The following SGCZ variants were observed in gnomAD, a reference collection of about 807,000 sequenced individuals.
SGCZ encodes the protein sarcoglycan zeta, also known as zeta-sarcoglycan.
In SGCZ, 40 loss-of-function variants were observed where a neutral mutation model predicts 41.3. The ratio of observed to expected loss-of-function variants is 0.97; its 90% CI spans 0.75 to 1.26. The LOEUF is 1.26. Among genes scored for constraint, SGCZ ranks in the 50% most tolerant of loss-of-function variants. SGCZ has a pLI of 0.00. For missense variants in SGCZ, 552 were observed against 369.8 expected, an observed-to-expected ratio of 1.49 and a Z score of -4.04; for synonymous variants, 206 against 137.5, an observed-to-expected ratio of 1.50 and a Z score of -3.49.
intron 1 of SGCZ, among the ~76,000 whole-genome samples, chr8:14,964,401 T>C (rs1449971667): frequency 6.6e-6 from 1 of 152,192 alleles, no homozygotes; most frequent in Non-Finnish European, 1.5e-5. Context: ...CACCAATAGA[T>C]ATCAGGAAGA....
rs78169287 is a variant in SGCZ, at chr8:14,629,439, C to T, written c.40-74513G>A. 5.2e-3 allele frequency among the ~76,000 whole-genome samples: 787 copies of T among 152,186 alleles called. 7 individuals are homozygous for T. The highest frequency in any genetic ancestry group is 0.016 in the African/African-American group (661 of 41,548). The stretch of plus-strand genomic sequence containing the variant: ...TATTTTTGCATTTATAATGTACAAA[C>T]AGATCCATCAAAAATAACTTTATTT... On this transcript the variant is annotated intron_variant, in intron 1 of 7. Coordinates refer to ENST00000382080, the MANE Select transcript of SGCZ (RefSeq NM_139167.4).
chr8:15,143,006 C>T lies in SGCZ; in HGVS notation c.39+94579G>A, dbSNP rs569387532. ...GGTTAACCTATAGTTTTGAGAAGGA[C>T]GTACTGTCCTAGAGTATTTCATGAC... On this transcript the variant is annotated intron_variant, in intron 1 of 7. Transcript: ENST00000382080. Among the ~76,000 whole-genome samples, 6 of 152,156 alleles carry T rather than the reference C, an allele frequency of 3.9e-5. No homozygotes were observed. The South Asian group carries it at 8.3e-4, about 21-fold the overall frequency.
chr8:15,209,691 A>G (rs1025218709), intron 1 of SGCZ, among the ~76,000 whole-genome samples: 13 of 152,308 alleles, frequency 8.5e-5, no homozygotes, highest in African/African-American at 3.1e-4. Context: ...CAGACAAAAC[A>G]TAAGGCAAAC....
intron 1 of SGCZ, among the ~76,000 whole-genome samples, chr8:14,585,293 T>C (rs1401033402): frequency 6.6e-6 from 1 of 152,204 alleles, no homozygotes; most frequent in Non-Finnish European, 1.5e-5. Context: ...ATTTGTACTA[T>C]TCATCTTGAA....
intron 1 of SGCZ, among the ~76,000 whole-genome samples, chr8:14,828,808 C>T (rs1372627939): frequency 6.6e-6 from 1 of 152,130 alleles, no homozygotes; most frequent in Non-Finnish European, 1.5e-5. Flanking sequence ...AATGCCCATG[C>T]CCGAGAACAT....
chr8:14,587,902 A>G (rs1049928795), intron 1 of SGCZ, among the ~76,000 whole-genome samples: 1 of 152,124 alleles, frequency 6.6e-6, no homozygotes, highest in African/African-American at 2.4e-5. Flanking sequence ...GCAAGCTTGT[A>G]AGAGACTCAA....
intron 1 of SGCZ, among the ~76,000 whole-genome samples, chr8:14,937,671 TAAC>T: frequency 6.6e-6 from 1 of 152,238 alleles, no homozygotes. Context: ...CAATAGAAAA[TAAC>T]AATGAATTGT....
intron 1 of SGCZ, among the ~76,000 whole-genome samples, chr8:15,061,007 T>C (rs1804903534): frequency 6.6e-6 from 1 of 152,158 alleles, no homozygotes. Context: ...TCTGGATCTT[T>C]CCTTTCTGGG....
chr8:14,208,451 C>T (rs138981678), intron 4 of SGCZ, among the ~76,000 whole-genome samples: 5 of 151,438 alleles, frequency 3.3e-5, no homozygotes, highest in African/African-American at 7.3e-5. Context: ...ATGGAGGAAC[C>T]AAAAAGGAAA....
At chr8:15,038,907 A>G (rs1457178588) in intron 1 of SGCZ, among the ~76,000 whole-genome samples, 1 of 152,110 alleles carries the variant, frequency 6.6e-6, no homozygotes, top group Non-Finnish European at 1.5e-5. Context: ...TCATCAGAGA[A>G]ATGCAAATTA....
chr8:15,213,136 A>T (rs186588273), intron 1 of SGCZ, among the ~76,000 whole-genome samples: 1 of 152,186 alleles, frequency 6.6e-6, no homozygotes, highest in East Asian at 1.9e-4. Flanking sequence ...ATTGTATACT[A>T]AATGCATTTT....
At chr8:14,919,333 CA>C (rs1236945619) in intron 1 of SGCZ, among the ~76,000 whole-genome samples, 11 of 152,010 alleles carry the variant, frequency 7.2e-5, no homozygotes, top group Non-Finnish European at 7.4e-5. Context: ...CCCAGCTACT[CA>C]GGGGGCTGAA....
chr8:14,571,794 T>G (rs2117232822), intron 1 of SGCZ, among the ~76,000 whole-genome samples: 1 of 152,284 alleles, frequency 6.6e-6, no homozygotes, highest in South Asian at 2.1e-4. Flanking sequence ...TTGAAGGAGT[T>G]TGACCACATG....
At chr8:14,879,186 G>A (rs932725649) in intron 1 of SGCZ, 1 of 152,104 alleles carries the variant, frequency 6.6e-6, no homozygotes, top group Non-Finnish European at 1.5e-5. Flanking sequence ...AAGTTAGCTG[G>A]CCATGGTGGC....
intron 3 of SGCZ, among the ~76,000 whole-genome samples, chr8:14,270,601 A>G (rs1800025113): frequency 6.6e-6 from 1 of 152,178 alleles, no homozygotes; most frequent in South Asian, 2.1e-4. Flanking sequence ...TATAACAGCT[A>G]AGATTGGGTT....
intron 1 of SGCZ, among the ~76,000 whole-genome samples, chr8:14,997,032 G>C (rs1167202771): frequency 6.6e-6 from 1 of 152,110 alleles, no homozygotes; most frequent in Non-Finnish European, 1.5e-5. Context: ...TCTCCTTTTT[G>C]AAGGCTCTAA....
rs1223406943 is a variant in SGCZ, at chr8:14,086,357, A to G, written c.*4086T>C. On this transcript the variant is annotated 3_prime_UTR_variant, in exon 8 of 8. Coordinates refer to ENST00000382080, the MANE Select transcript of SGCZ (RefSeq NM_139167.4). Reference sequence around the variant, plus strand: ...TCTCCAGGCTATTGCTGCCTCATACAGAGATACCATGTTTGCAATGAAATA... The same window carrying G: ...TCTCCAGGCTATTGCTGCCTCATACGGAGATACCATGTTTGCAATGAAATA... Among the ~76,000 whole-genome samples the G allele has an allele frequency of 1.3e-5, 2 of 151,724 alleles. No individual in the cohort carries two copies. The highest frequency in any genetic ancestry group is 1.3e-4 in the Admixed American group (2 of 15,170).
chr8:14,660,958 T>C (rs955724011), intron 1 of SGCZ, among the ~76,000 whole-genome samples: 9 of 152,200 alleles, frequency 5.9e-5, no homozygotes, highest in African/African-American at 2.2e-4. Flanking sequence ...ATAGCAAGTA[T>C]GCACATGAAA....
chr8:14,336,170 G>A (rs1182513943), intron 2 of SGCZ, among the ~76,000 whole-genome samples: 2 of 151,994 alleles, frequency 1.3e-5, no homozygotes, highest in Non-Finnish European at 2.9e-5. Context: ...TATAGTATTT[G>A]GTTTTCTGCT....
Sources: allele counts gnomAD v4.1 joint callset (sites outside exome capture counted in the v4.1 genomes callset), GRCh38; gene constraint gnomAD v4.1.1; transcripts MANE v1.5; gene names NCBI Gene and HGNC (gene_info 2026-07-23, HGNC 2026-07-21).